The following KCNN3 variants were observed in gnomAD, a reference collection of about 807,000 sequenced individuals.
The protein encoded by KCNN3 is small conductance calcium-activated potassium channel protein 3.
Under a neutral mutation model 62.9 loss-of-function variants are expected in KCNN3, and 16 were observed. The observed-to-expected ratio is 0.25, with a 90% CI of 0.17 to 0.39. The LOEUF (loss-of-function observed/expected upper bound fraction) is 0.39, where lower values mean the gene tolerates loss of function less well. Among genes scored for constraint, KCNN3 ranks in the 10% least tolerant of loss-of-function variants. The pLI is 1.00. For missense variants in KCNN3, 599 were observed against 949.4 expected (o/e 0.63, Z 4.85); for synonymous variants, 370 against 389.2 (o/e 0.95, Z 0.58).
intron 3 of KCNN3, among the ~76,000 whole-genome samples, chr1:154,738,600 G>T (rs1004842495): frequency 3.3e-5 from 5 of 152,160 alleles, no homozygotes; most frequent in Non-Finnish European, 7.4e-5. Context: ...CATAGGACAG[G>T]TGCTCACCAG....
chr1:154,803,735 C>T (rs1650049620), intron 2 of KCNN3, among the ~76,000 whole-genome samples: 3 of 152,218 alleles, frequency 2.0e-5, no homozygotes, highest in Admixed American at 2.0e-4. Flanking sequence ...GACGGAGATT[C>T]CTACAGTTGC....
chr1:154,772,791 G>A lies in KCNN3; in HGVS notation c.1030-398C>T, dbSNP rs535923776. 1.3e-5 allele frequency among the ~76,000 whole-genome samples: 2 copies of A among 152,174 alleles called. No homozygotes were observed. Among genetic ancestry groups the A allele is most frequent in the African/African-American group, 2.4e-5 (1 of 41,436 alleles). On this transcript the variant is annotated intron_variant, in intron 2 of 7. Transcript: ENST00000271915. This position sits in a 1 kb window ranked among gnomAD's most constrained non-coding sequence, Gnocchi z 5.6. ...AATGAGATGACTAGTGGCTGGGGTC[G>A]GTCGGGGTGGGGATCCAGGGTGGCC...
chr1:154,826,272 C>T (rs1651125749), intron 1 of KCNN3, among the ~76,000 whole-genome samples: 1 of 152,130 alleles, frequency 6.6e-6, no homozygotes, highest in Non-Finnish European at 1.5e-5. Context: ...TAAGAGCTGC[C>T]TCCATCCATG....
At position 154,708,010 on chromosome 1, in the gene KCNN3, A is replaced by G; in HGVS notation, c.2162T>C (p.Phe721Ser). ...DSPIGVSSTSFPTPYTSSSSC is the reference protein window; with the variant it reads ...DSPIGVSSTSSPTPYTSSSSC ...GCTTGAACTTGTGTACGGGGTCGGG[A>G]AGGAGGTGGAGCTGACCCCAATGGG... Residue 721 changes from phenylalanine to serine, a missense_variant, in exon 8 of 8, where the codon TTC (phenylalanine) becomes TCC (serine). Phe to Ser is a radical substitution (Grantham distance 155). Around this residue, in one of 7 missense-constraint regions of KCNN3, gnomAD observed 52 missense variants for 53.3 expected, o/e 0.98. Transcript: ENST00000271915. 6.2e-7 allele frequency: 1 copy of G among 1,613,406 alleles called. No individual in the cohort carries two copies. The highest frequency in any genetic ancestry group is 1.3e-5 in the African/African-American group (1 of 74,998).
chr1:154,715,476 ATC>A (rs958957559), intron 5 of KCNN3, among the ~76,000 whole-genome samples: 5 of 150,406 alleles, frequency 3.3e-5, no homozygotes, highest in Admixed American at 2.0e-4. Flanking sequence ...ATTAAAATTC[ATC>A]TGTTCTTAAT....
intron 3 of KCNN3, among the ~76,000 whole-genome samples, chr1:154,757,128 G>C (rs896192339): frequency 2.0e-5 from 3 of 152,344 alleles, no homozygotes; most frequent in East Asian, 3.9e-4. Context: ...ATAGGGTATG[G>C]GGGGAATCAG....
chr1:154,869,304 T>C lies in KCNN3; in HGVS notation c.661A>G (p.Ile221Val), dbSNP rs765155011. ...GCATGGTTGTCCTCCCGGGAGGAGA[T>C]GACGATCTCCGGGGGGTTGCTAGGG... ...FSPSNPPEIV[I>V]SSREDNHAHQ... is the part of the protein sequence containing the mutation. Residue 221 changes from isoleucine (I) to valine (V), a missense_variant, in exon 1 of 8, where the codon ATC becomes GTC. Coordinates refer to ENST00000271915, the MANE Select transcript of KCNN3 (RefSeq NM_002249.6). The surrounding 1 kb of genome is among the most constrained non-coding windows in gnomAD (Gnocchi z 6.1). 16 of 1,613,448 alleles carry C rather than the reference T, an allele frequency of 9.9e-6. No homozygotes were observed. Among genetic ancestry groups the C allele is most frequent in the African/African-American group, 2.7e-5 (2 of 74,838 alleles).
At chr1:154,754,602 C>T (rs1191627879) in intron 3 of KCNN3, among the ~76,000 whole-genome samples, 1 of 152,160 alleles carries the variant, frequency 6.6e-6, no homozygotes, top group Non-Finnish European at 1.5e-5. Flanking sequence ...TTTCTCTTTC[C>T]TGATGGCTAA....
At chr1:154,751,996 G>T (rs1444177877) in intron 3 of KCNN3, among the ~76,000 whole-genome samples, 3 of 152,220 alleles carry the variant, frequency 2.0e-5, no homozygotes, top group Non-Finnish European at 4.4e-5. Flanking sequence ...AACAGATGGG[G>T]AGGAAAAACT....
chr1:154,869,237 T>A lies in KCNN3; in HGVS notation c.728A>T (p.His243Leu). The A allele has an allele frequency of 6.2e-7, 1 of 1,611,864 alleles. No homozygotes were observed. The highest frequency in any genetic ancestry group is 1.7e-5 in the Admixed American group (1 of 59,856). ...LLHHPNATHN[H>L]QHAGTTASST... ...GCTGGCGGTGGTGCCGGCATGCTGGTGGTTGTGGGTGGCATTAGGGTGATG... is the reference window on the plus strand; with the variant it reads ...GCTGGCGGTGGTGCCGGCATGCTGGAGGTTGTGGGTGGCATTAGGGTGATG... The change falls in exon 1 of 8, where the codon CAC becomes CTC. Residue 243 changes from histidine to leucine, a missense_variant. His to Leu is a moderately conservative substitution (Grantham distance 99, BLOSUM62 -3). Transcript: ENST00000271915. This position sits in a 1 kb window ranked among gnomAD's most constrained non-coding sequence, Gnocchi z 6.1.
At position 154,869,054 on chromosome 1, in the gene KCNN3, A is replaced by C; in HGVS notation, c.911T>G (p.Leu304Arg). 6.2e-7 allele frequency: 1 copy of C among 1,614,122 alleles called. No homozygotes were observed. Among genetic ancestry groups the C allele is most frequent in the Non-Finnish European group, 8.5e-7 (1 of 1,180,010 alleles). ...GIVVMVIETE[L>R]SWGLYSKDSM... ...TACCTTTGAGTACAAACCCCAAGAG[A>C]GCTCGGTCTCTATCACCATAACAAC... The change falls in exon 1 of 8, where the codon CTC becomes CGC. Residue 304 changes from leucine to arginine, a missense_variant. This residue lies in a region of KCNN3 where 288 missense variants were observed against 557.4 expected (regional missense o/e 0.52). Transcript: ENST00000271915. This position sits in a 1 kb window ranked among gnomAD's most constrained non-coding sequence, Gnocchi z 6.1.
rs1699821610 is a variant in KCNN3 at position 154,700,066 on chromosome 1, T to C, written c.*7910A>G. The C allele has an allele frequency of 6.6e-6, 1 of 152,212 alleles. No individual in the cohort carries two copies. The highest frequency in any genetic ancestry group is 1.5e-5 in the Non-Finnish European group (1 of 68,046). 9.4% of individuals were successfully genotyped at this position (152,212 alleles called of 1,614,324 possible). On this transcript the variant is annotated 3_prime_UTR_variant, in exon 8 of 8. Coordinates refer to ENST00000271915, the MANE Select transcript of KCNN3 (RefSeq NM_002249.6). ...AGATGCATTTTTTTAATCCTTATGA[T>C]CATTCAGGACCTTCACATCTTCAAA...
chr1:154,841,634 A>G (rs1651834633), intron 1 of KCNN3, among the ~76,000 whole-genome samples: 1 of 152,214 alleles, frequency 6.6e-6, no homozygotes, highest in Admixed American at 6.5e-5. Flanking sequence ...CTGTTATTCC[A>G]TCACAGAGCC....
chr1:154,745,997 C>T (rs375696646), intron 3 of KCNN3, among the ~76,000 whole-genome samples: 1 of 152,172 alleles, frequency 6.6e-6, no homozygotes, highest in African/African-American at 2.4e-5. Flanking sequence ...AGGGAAGGCG[C>T]TTACCTCTCT....
In KCNN3 at chr1:154,698,249, AG is replaced by A. The variant is rs1360545387; in HGVS notation, c.*9726del. 2 of 152,164 alleles carry A rather than the reference AG, an allele frequency of 1.3e-5. No individual in the cohort carries two copies. The highest frequency in any genetic ancestry group is 4.8e-5 in the African/African-American group (2 of 41,430). 9.4% of individuals were successfully genotyped at this position (152,164 alleles called of 1,614,324 possible). On this transcript the variant is annotated 3_prime_UTR_variant, in exon 8 of 8. Coordinates refer to ENST00000271915, the MANE Select transcript of KCNN3 (RefSeq NM_002249.6). ...AGAAAAATTTATGGGAAGGAAAGTAAGGGTACAGGGTTTTCAACTTGGGGAA... is the reference window on the plus strand; with the variant it reads ...AGAAAAATTTATGGGAAGGAAAGTAAGGTACAGGGTTTTCAACTTGGGGAA...
intron 3 of KCNN3, among the ~76,000 whole-genome samples, chr1:154,758,383 T>C (rs1647832244): frequency 6.6e-6 from 1 of 152,194 alleles, no homozygotes. Context: ...AGCTGAAACA[T>C]GTTTAAGATA....
chr1:154,781,162 T>G (rs1473361598), intron 2 of KCNN3, among the ~76,000 whole-genome samples: 1 of 152,214 alleles, frequency 6.6e-6, no homozygotes, highest in Non-Finnish European at 1.5e-5. Flanking sequence ...TGTTTGGGAC[T>G]AACAGAGACC....
chr1:154,733,219 G>A lies in KCNN3; in HGVS notation c.1449-75C>T, dbSNP rs867314603. 166 of 1,480,922 alleles carry A rather than the reference G, an allele frequency of 1.1e-4. 1 individual carries two copies. The South Asian group carries it at 1.2e-3, about 11-fold the overall frequency. 91.7% of individuals were successfully genotyped at this position (1,480,922 alleles called of 1,614,324 possible). ...TAAGGGCTGTGGGCAAACCTAGAGC[G>A]GGGAAGGAAATGAGATATTTTGCTG... On this transcript the variant is annotated intron_variant, in intron 3 of 7. Transcript: ENST00000271915.
intron 2 of KCNN3, among the ~76,000 whole-genome samples, chr1:154,813,409 C>T (rs887305758): frequency 1.4e-4 from 21 of 152,134 alleles, no homozygotes; most frequent in African/African-American, 2.6e-4. Flanking sequence ...CCTCCCGGGC[C>T]GCCTCCTCTT....
Sources: gnomAD v4.1 joint callset for allele counts (sites outside exome capture counted in the v4.1 genomes callset) on GRCh38, gnomAD v4.1.1 for gene constraint, gnomAD v4.1.1 regional missense constraint, Gnocchi (gnomAD v3.1) non-coding constraint, MANE v1.5 for transcripts, NCBI Gene and HGNC (gene_info 2026-07-23, HGNC 2026-07-21) for gene names.